OSBP2: variants seen among roughly 807,000 people sequenced by gnomAD.
The protein encoded by OSBP2 is oxysterol binding protein 2.
A neutral mutation model predicts 96.0 loss-of-function variants in OSBP2; 66 were observed. The ratio of observed to expected loss-of-function variants is 0.69; its 90% CI spans 0.56 to 0.84. The LOEUF (loss-of-function observed/expected upper bound fraction) is 0.84. Ranked by LOEUF, OSBP2 falls within the 40% of genes least tolerant of loss-of-function variation. The pLI, the probability that OSBP2 is intolerant of heterozygous loss-of-function variation, is 0.00. For missense variants in OSBP2, 1,038 were observed against 1,222.7 expected (o/e 0.85, Z 2.25); for synonymous variants, 525 against 520.9 (o/e 1.01, Z -0.11).
intron 2 of OSBP2, among the ~76,000 whole-genome samples, chr22:30,819,021 C>A (rs887455506): frequency 6.6e-6 from 1 of 152,102 alleles, no homozygotes; most frequent in Admixed American, 6.6e-5. Context: ...GGCTGGAGGC[C>A]CAAACCTAGA....
At chr22:30,754,736 G>T (rs1025029235) in intron 2 of OSBP2, among the ~76,000 whole-genome samples, 11 of 152,162 alleles carry the variant, frequency 7.2e-5, no homozygotes, top group African/African-American at 2.4e-4. Context: ...ATGTGTGTCT[G>T]ACTTCTCCAC....
At chr22:30,730,774 CTATATATATATATATA>C (rs1206537838) in intron 1 of OSBP2, among the ~76,000 whole-genome samples, 7 of 13,840 alleles carry the variant, frequency 5.1e-4, no homozygotes, top group South Asian at 3.9e-3. Context: ...CTCTCTCTCT[CTATATATATATATATA>C]TATATATATA....
chr22:30,779,226 C>T (rs991303952), intron 2 of OSBP2, among the ~76,000 whole-genome samples: 9 of 147,340 alleles, frequency 6.1e-5, no homozygotes, highest in East Asian at 2.1e-4. Flanking sequence ...GGATTACAGG[C>T]GCCCACAACC....
chr22:30,754,349 C>T (rs1396424574), intron 2 of OSBP2, among the ~76,000 whole-genome samples: 1 of 152,196 alleles, frequency 6.6e-6, no homozygotes, highest in Non-Finnish European at 1.5e-5. Context: ...CACTAAAGTG[C>T]ATGCATATGT....
chr22:30,864,493 A>G (rs2039288102), intron 2 of OSBP2, among the ~76,000 whole-genome samples: 1 of 152,186 alleles, frequency 6.6e-6, no homozygotes, highest in African/African-American at 2.4e-5. Context: ...GGGTCTCTGC[A>G]TGCAGCACTG....
intron 12 of OSBP2, among the ~76,000 whole-genome samples, chr22:30,905,020 C>G (rs1569177652): frequency 6.6e-6 from 1 of 151,910 alleles, no homozygotes; most frequent in African/African-American, 2.4e-5. Flanking sequence ...CCCTGAAATC[C>G]CAGCTACTCA....
Position 30,695,035 on chromosome 22 carries a change from C to G in OSBP2, c.126C>G (p.Ser42=). Residue 42 remains serine, a synonymous_variant, in exon 1 of 14, where the codon TCC becomes TCG. Coordinates refer to ENST00000332585, the MANE Select transcript of OSBP2 (RefSeq NM_030758.4). ...CGGCGGCGCCGGGCATGAGCGCTTC[C>G]ACGTCCGGCTCCGGGCCGGAGCCCA... ...CHTAAPGMSA[S]TSGSGPEPKP... 1.9e-6 allele frequency: 3 copies of G among 1,590,016 alleles called. No individual in the cohort carries two copies. Among genetic ancestry groups the G allele is most frequent in the Non-Finnish European group, 2.6e-6 (3 of 1,169,896 alleles).
intron 3 of OSBP2, among the ~76,000 whole-genome samples, chr22:30,873,770 C>T (rs1276669222): frequency 3.9e-5 from 6 of 152,202 alleles, no homozygotes; most frequent in African/African-American, 7.2e-5. Flanking sequence ...TGAGCCGGAT[C>T]GTAGAAGTGG....
intron 2 of OSBP2, among the ~76,000 whole-genome samples, chr22:30,775,192 TCC>T (rs1239500345): frequency 2.0e-5 from 3 of 152,194 alleles, no homozygotes; most frequent in Non-Finnish European, 4.4e-5. Flanking sequence ...AAGCAGTGAC[TCC>T]CCATTTCCTC....
At chr22:30,813,793 C>G (rs1207198299) in intron 2 of OSBP2, among the ~76,000 whole-genome samples, 1 of 150,466 alleles carries the variant, frequency 6.6e-6, no homozygotes, top group Non-Finnish European at 1.5e-5. Flanking sequence ...TAACTTTTCC[C>G]AGATGACTTT....
chr22:30,868,492 A>G (rs1021758634), intron 2 of OSBP2, among the ~76,000 whole-genome samples: 2 of 152,232 alleles, frequency 1.3e-5, no homozygotes, highest in African/African-American at 4.8e-5. Context: ...TTGCCAGGGT[A>G]GGGACTGTCC....
At chr22:30,746,199 A>G (rs1223286447) in intron 2 of OSBP2, among the ~76,000 whole-genome samples, 5 of 152,064 alleles carry the variant, frequency 3.3e-5, no homozygotes, top group African/African-American at 9.7e-5. Context: ...AGGGAGGATC[A>G]ACTGAGCCCA....
intron 1 of OSBP2, among the ~76,000 whole-genome samples, chr22:30,731,112 T>C (rs1223814905): frequency 6.6e-6 from 1 of 151,714 alleles, no homozygotes; most frequent in Admixed American, 6.6e-5. Flanking sequence ...AGGTGGAGGT[T>C]GCAGTGAGCC....
chr22:30,735,337 C>T (rs935149337), intron 1 of OSBP2, among the ~76,000 whole-genome samples: 14 of 151,768 alleles, frequency 9.2e-5, no homozygotes, highest in African/African-American at 3.4e-4. Context: ...TCATATCTAC[C>T]TGCTCTTGTT....
At chr22:30,845,898 A>AG (rs1372389455) in intron 2 of OSBP2, among the ~76,000 whole-genome samples, 1 of 149,954 alleles carries the variant, frequency 6.7e-6, no homozygotes, top group Non-Finnish European at 1.5e-5. Flanking sequence ...AAAAAAAAAA[A>AG]GGCAGTATTT....
At chr22:30,710,181 C>T (rs765887216) in intron 1 of OSBP2, among the ~76,000 whole-genome samples, 7 of 152,084 alleles carry the variant, frequency 4.6e-5, no homozygotes, top group African/African-American at 1.2e-4. Context: ...CACCGTGCCC[C>T]GCCTTAGCAA....
chr22:30,715,933 C>G (rs2089446784), intron 1 of OSBP2, among the ~76,000 whole-genome samples: 1 of 150,400 alleles, frequency 6.6e-6, no homozygotes, highest in Non-Finnish European at 1.5e-5. Context: ...CTCAAGTGAT[C>G]CTCCCACCTC....
At chr22:30,777,828 GC>G (rs1331802083) in intron 2 of OSBP2, among the ~76,000 whole-genome samples, 1 of 152,112 alleles carries the variant, frequency 6.6e-6, no homozygotes, top group Non-Finnish European at 1.5e-5. Flanking sequence ...TCACACACGT[GC>G]TCATCAGTCT....
intron 1 of OSBP2, among the ~76,000 whole-genome samples, chr22:30,722,926 GGC>G (rs1239253180): frequency 6.6e-6 from 1 of 151,280 alleles, no homozygotes; most frequent in Non-Finnish European, 1.5e-5. Context: ...TGGGACTACA[GGC>G]GTGTGCCACC....
Sources: allele counts gnomAD v4.1 joint callset (sites outside exome capture counted in the v4.1 genomes callset), GRCh38; gene constraint gnomAD v4.1.1; transcripts MANE v1.5; gene names NCBI Gene and HGNC (gene_info 2026-07-23, HGNC 2026-07-21).